PALM2AKAP2: variants seen among roughly 807,000 people sequenced by gnomAD.
PALM2AKAP2 encodes the protein PALM2 and AKAP2 fusion.
Under a neutral mutation model 71.5 loss-of-function variants are expected in PALM2AKAP2, and 37 were observed. The ratio of observed to expected loss-of-function variants is 0.52; its 90% CI spans 0.40 to 0.68. The LOEUF is 0.68. Ranked by LOEUF, PALM2AKAP2 falls within the 30% of genes least tolerant of loss-of-function variation. The pLI, the probability that PALM2AKAP2 is intolerant of heterozygous loss-of-function variation, is 0.00. For synonymous variants in PALM2AKAP2, 468 were observed against 478.8 expected (o/e 0.98, Z 0.29); for missense variants, 1,224 against 1,191.8 (o/e 1.03, Z -0.40).
intron 1 of PALM2AKAP2, among the ~76,000 whole-genome samples, chr9:109,837,926 A>T (rs947743100): frequency 6.6e-6 from 1 of 152,190 alleles, no homozygotes; most frequent in African/African-American, 2.4e-5. Flanking sequence ...ACACAATAAT[A>T]ATGGGAGACT....
intron 1 of PALM2AKAP2, among the ~76,000 whole-genome samples, chr9:109,678,802 T>A (rs1343843154): frequency 3.9e-5 from 6 of 152,188 alleles, no homozygotes; most frequent in Non-Finnish European, 8.8e-5. Context: ...TTGGGCTTGA[T>A]AAGTGTAATG....
intron 1 of PALM2AKAP2, among the ~76,000 whole-genome samples, chr9:109,768,041 G>GGTAGGAAGAAA (rs1564140567): frequency 9.1e-6 from 1 of 109,970 alleles, no homozygotes; most frequent in African/African-American, 4.5e-5. Context: ...AAGAAAAAGA[G>GGTAGGAAGAAA]GGAAGGAAGG....
chr9:109,983,845 A>G (rs1703130086), intron 6 of PALM2AKAP2, among the ~76,000 whole-genome samples: 2 of 152,076 alleles, frequency 1.3e-5, no homozygotes, highest in African/African-American at 2.4e-5. Flanking sequence ...AGCCTGGGCA[A>G]TAGAGCCAGA....
rs2119048721 is a variant in PALM2AKAP2 at position 110,128,774 on chromosome 9, G to A, written c.157-7353G>A. Reference sequence around the variant, plus strand: ...CAGTGAACATTGTCCTTGTGGTGAAGGACACCTTTCTGCTCTCCGCCTGGG... The same window carrying A: ...CAGTGAACATTGTCCTTGTGGTGAAAGACACCTTTCTGCTCTCCGCCTGGG... On this transcript the variant is annotated intron_variant, in intron 1 of 3. Coordinates refer to ENST00000374525, the Ensembl canonical transcript of PALM2AKAP2. Among the ~76,000 whole-genome samples, 2 of 152,340 alleles carry A rather than the reference G, an allele frequency of 1.3e-5. 1 individual carries two copies. The highest frequency in any genetic ancestry group is 6.8e-3 in the Middle Eastern group (2 of 294).
chr9:110,075,588 T>A (rs1254794021), intron 1 of PALM2AKAP2, among the ~76,000 whole-genome samples: 4 of 152,094 alleles, frequency 2.6e-5, no homozygotes, highest in African/African-American at 9.7e-5. Flanking sequence ...ATTCTCTTTT[T>A]TTCTTTCTTT....
chr9:109,640,897 C>T, intron 1 of PALM2AKAP2: 1 of 1,511,774 alleles, frequency 6.6e-7, no homozygotes, highest in Non-Finnish European at 8.8e-7. Flanking sequence ...CCGCCAGCTG[C>T]TCTCCTCTCG....
intron 1 of PALM2AKAP2, among the ~76,000 whole-genome samples, chr9:109,816,127 T>C (rs1002900998): frequency 6.6e-6 from 1 of 152,194 alleles, no homozygotes; most frequent in Admixed American, 6.5e-5. Context: ...TGTTGAGAGC[T>C]CAGATAAGGT....
At chr9:109,693,001 TGAAAG>T (rs1785730860) in intron 1 of PALM2AKAP2, among the ~76,000 whole-genome samples, 1 of 151,926 alleles carries the variant, frequency 6.6e-6, no homozygotes, top group African/African-American at 2.4e-5. Context: ...AAAATAAACT[TGAAAG>T]TGTTCCCTTT....
intron 1 of PALM2AKAP2, among the ~76,000 whole-genome samples, chr9:110,073,707 T>C (rs1004975852): frequency 6.6e-6 from 1 of 152,200 alleles, no homozygotes; most frequent in Non-Finnish European, 1.5e-5. Flanking sequence ...CTGCAGTGTC[T>C]ACATTATGGG....
intron 1 of PALM2AKAP2, among the ~76,000 whole-genome samples, chr9:109,835,459 A>G (rs1481398878): frequency 6.6e-6 from 1 of 152,148 alleles, no homozygotes; most frequent in East Asian, 1.9e-4. Context: ...TGAGCAACAC[A>G]GAAGATGGGT....
chr9:109,775,426 C>G (rs543606737), upstream of PALM2AKAP2, among the ~76,000 whole-genome samples: 1 of 152,286 alleles, frequency 6.6e-6, no homozygotes, highest in East Asian at 1.9e-4. Flanking sequence ...CTAAATGAAT[C>G]TATCATTTGG....
intron 6 of PALM2AKAP2, among the ~76,000 whole-genome samples, chr9:109,983,769 G>A (rs561514706): frequency 2.4e-4 from 36 of 152,088 alleles, no homozygotes; most frequent in South Asian, 6.2e-4. Flanking sequence ...GGAGGCTGAG[G>A]CATGAGAATC....
intron 1 of PALM2AKAP2, among the ~76,000 whole-genome samples, chr9:109,841,260 G>T (rs534838270): frequency 6.6e-6 from 1 of 150,586 alleles, no homozygotes; most frequent in South Asian, 2.1e-4. Flanking sequence ...GCAAACTATC[G>T]CAGGGACAAA....
intron 1 of PALM2AKAP2, among the ~76,000 whole-genome samples, chr9:109,799,416 G>T (rs930780257): frequency 1.3e-5 from 2 of 152,162 alleles, no homozygotes; most frequent in East Asian, 3.9e-4. Flanking sequence ...CCTGACTGCC[G>T]GTCCCTGCCA....
chr9:109,686,760 T>C (rs757276274), intron 1 of PALM2AKAP2, among the ~76,000 whole-genome samples: 2 of 152,136 alleles, frequency 1.3e-5, no homozygotes, highest in Non-Finnish European at 2.9e-5. Context: ...ATGTGCCATG[T>C]TGGTGTGCTG....
chr9:110,061,331 A>C (rs1468304054), intron 1 of PALM2AKAP2, among the ~76,000 whole-genome samples: 2 of 152,188 alleles, frequency 1.3e-5, no homozygotes, highest in African/African-American at 4.8e-5. Context: ...ACAATTTAAT[A>C]AAACCTTGAA....
intron 1 of PALM2AKAP2, among the ~76,000 whole-genome samples, chr9:110,075,026 GA>G (rs143154900): frequency 0.031 from 4,652 of 148,616 alleles, 261 homozygotes; most frequent in African/African-American, 0.11. Context: ...AAAAGAAAAA[GA>G]AAAAAAAAAG....
At chr9:109,695,101 A>T (rs770237933) in intron 1 of PALM2AKAP2, among the ~76,000 whole-genome samples, 1 of 152,192 alleles carries the variant, frequency 6.6e-6, no homozygotes, top group Non-Finnish European at 1.5e-5. Flanking sequence ...TAACTGAATA[A>T]TTTTTTATAA....
intron 1 of PALM2AKAP2, among the ~76,000 whole-genome samples, chr9:109,839,657 A>G (rs1289055106): frequency 6.6e-6 from 1 of 152,234 alleles, no homozygotes; most frequent in Non-Finnish European, 1.5e-5. Flanking sequence ...TTAAGCTGAT[A>G]AGCAACTTCA....
Sources: allele counts gnomAD v4.1 joint callset (sites outside exome capture counted in the v4.1 genomes callset), GRCh38; gene constraint gnomAD v4.1.1; transcripts MANE v1.5; gene names NCBI Gene and HGNC (gene_info 2026-07-23, HGNC 2026-07-21).